SRBD1: variants seen among roughly 807,000 people sequenced by gnomAD.
SRBD1 encodes the protein S1 RNA binding domain 1.
A neutral mutation model predicts 115.3 loss-of-function variants in SRBD1; 88 were observed. The ratio of observed to expected loss-of-function variants is 0.76; its 90% confidence interval spans 0.64 to 0.91. SRBD1 has a LOEUF of 0.91. SRBD1 is among the 40% of genes least tolerant of loss of function. SRBD1 has a pLI of 0.00. For missense variants in SRBD1, 1,385 were observed against 1,177.4 expected (o/e 1.18, Z -2.58); for synonymous variants, 509 against 407.7 (o/e 1.25, Z -2.99).
At chr2:45,600,595 T>C (rs1674061740) in intron 3 of SRBD1, among the ~76,000 whole-genome samples, 1 of 152,180 alleles carries the variant, frequency 6.6e-6, no homozygotes, top group Admixed American at 6.5e-5. Flanking sequence ...GGCATTTTTC[T>C]TTAACAAGAG....
intron 4 of SRBD1, among the ~76,000 whole-genome samples, chr2:45,591,964 T>G (rs1673739629): frequency 6.6e-6 from 1 of 152,124 alleles, no homozygotes; most frequent in South Asian, 2.1e-4. Flanking sequence ...GAATTGTATC[T>G]CCCAGAATTC....
intron 18 of SRBD1, among the ~76,000 whole-genome samples, chr2:45,414,655 CAT>C (rs1667724540): frequency 1.3e-5 from 2 of 149,688 alleles, no homozygotes; most frequent in Non-Finnish European, 3.0e-5. Flanking sequence ...ATAGTATGCA[CAT>C]ACACACATAG....
At chr2:45,398,087 G>C (rs1012558736) in intron 19 of SRBD1, among the ~76,000 whole-genome samples, 1 of 152,076 alleles carries the variant, frequency 6.6e-6, no homozygotes, top group Non-Finnish European at 1.5e-5. Flanking sequence ...TATTTAAATG[G>C]CATTTCTTAG....
At position 45,413,107 on chromosome 2, in the gene SRBD1, G is replaced by A. The variant is rs372960357; in HGVS notation, c.2513+7C>T. Reference sequence around the variant, plus strand: ...ATGGAGAATTCCCACATGGGCCTCAGACTTACCTCATTGCTATGTCATATG... The same window carrying A: ...ATGGAGAATTCCCACATGGGCCTCAAACTTACCTCATTGCTATGTCATATG... On this transcript the variant is annotated splice_region_variant and intron_variant, in intron 19 of 20. Coordinates refer to ENST00000263736, the MANE Select transcript of SRBD1 (RefSeq NM_018079.5). 9.3e-6 allele frequency: 15 copies of A among 1,612,194 alleles called. No individual in the cohort carries two copies. The African/African-American group carries it at 1.2e-4, about 13-fold the overall frequency.
Position 45,599,439 on chromosome 2 carries a change from C to G in SRBD1, c.648+10G>C, listed in dbSNP as rs1273762108. 2 of 1,603,384 alleles carry G rather than the reference C, an allele frequency of 1.2e-6. No homozygotes were observed. The highest frequency in any genetic ancestry group is 1.3e-5 in the African/African-American group (1 of 74,570). ...AAACAACTAAAGTGACAGAAAAAGG[C>G]TGCACATACCTGTACCATGTCCCAA... On this transcript the variant is annotated intron_variant, in intron 4 of 20. Transcript: ENST00000263736.
At chr2:45,598,715 C>A (rs1673985576) in intron 4 of SRBD1, among the ~76,000 whole-genome samples, 1 of 152,074 alleles carries the variant, frequency 6.6e-6, no homozygotes, top group African/African-American at 2.4e-5. Flanking sequence ...AATCAGGATC[C>A]AGCAGAGGCC....
intron 14 of SRBD1, among the ~76,000 whole-genome samples, chr2:45,525,996 C>T (rs887644523): frequency 6.6e-6 from 1 of 151,956 alleles, no homozygotes; most frequent in African/African-American, 2.4e-5. Context: ...TAAATCAGAA[C>T]CCTCATACAC....
chr2:45,443,234 T>C (rs1668723717), intron 16 of SRBD1, among the ~76,000 whole-genome samples: 1 of 151,874 alleles, frequency 6.6e-6, no homozygotes, highest in African/African-American at 2.4e-5. Context: ...AAGAGGGAGA[T>C]GATGGCTGCC....
intron 15 of SRBD1, among the ~76,000 whole-genome samples, chr2:45,479,110 C>A (rs183309790): frequency 3.3e-5 from 5 of 152,270 alleles, no homozygotes; most frequent in South Asian, 2.1e-4. Context: ...CAAACTTAAT[C>A]AATAAATGAT....
chr2:45,545,311 A>AAAAAAC (rs1558468100), intron 14 of SRBD1, among the ~76,000 whole-genome samples: 6 of 143,710 alleles, frequency 4.2e-5, no homozygotes, highest in African/African-American at 1.6e-4. Flanking sequence ...AAAAAAAAAA[A>AAAAAAC]AAAACAGATG....
At chr2:45,534,398 C>T (rs932596990) in intron 14 of SRBD1, among the ~76,000 whole-genome samples, 1 of 151,624 alleles carries the variant, frequency 6.6e-6, no homozygotes. Flanking sequence ...TAATAGTCAC[C>T]GAAATGGAGA....
intron 3 of SRBD1, among the ~76,000 whole-genome samples, chr2:45,601,251 G>A (rs1674082825): frequency 6.6e-6 from 1 of 152,182 alleles, no homozygotes; most frequent in African/African-American, 2.4e-5. Flanking sequence ...CTGAGTCCAT[G>A]CTCATCAAGT....
chr2:45,477,389 T>C (rs1669835421), intron 15 of SRBD1, among the ~76,000 whole-genome samples: 1 of 152,230 alleles, frequency 6.6e-6, no homozygotes, highest in South Asian at 2.1e-4. Flanking sequence ...TCATTCTTCA[T>C]TCTTTACGTA....
At chr2:45,492,340 T>C (rs1670322121) in intron 14 of SRBD1, among the ~76,000 whole-genome samples, 1 of 152,234 alleles carries the variant, frequency 6.6e-6, no homozygotes, top group South Asian at 2.1e-4. Flanking sequence ...TGACTATTCA[T>C]TCTGACCATA....
chr2:45,552,495 T>C (rs1446406554), intron 11 of SRBD1, among the ~76,000 whole-genome samples: 1 of 151,738 alleles, frequency 6.6e-6, no homozygotes, highest in Non-Finnish European at 1.5e-5. Flanking sequence ...GCTACTCAAA[T>C]CAAAAATATA....
intron 16 of SRBD1, among the ~76,000 whole-genome samples, chr2:45,459,275 C>A (rs1431723524): frequency 3.9e-5 from 6 of 152,156 alleles, no homozygotes; most frequent in Admixed American, 3.9e-4. Context: ...ACTTTAAATG[C>A]CTATCTTTCC....
chr2:45,469,761 T>G (rs1021050341), intron 16 of SRBD1, among the ~76,000 whole-genome samples: 2 of 152,190 alleles, frequency 1.3e-5, no homozygotes, highest in Non-Finnish European at 2.9e-5. Context: ...CTTGTTTTCC[T>G]TCAGTTAGGT....
intron 16 of SRBD1, among the ~76,000 whole-genome samples, chr2:45,461,805 G>A (rs904390545): frequency 2.0e-5 from 3 of 152,094 alleles, no homozygotes; most frequent in Admixed American, 6.5e-5. Flanking sequence ...GATAGTTATC[G>A]TCATTCATTG....
chr2:45,436,274 A>C (rs1360212927), intron 16 of SRBD1, among the ~76,000 whole-genome samples: 1 of 152,230 alleles, frequency 6.6e-6, no homozygotes, highest in Non-Finnish European at 1.5e-5. Context: ...GGTGATTAAA[A>C]ACATCTACAA....
Sources: allele counts gnomAD v4.1 joint callset (sites outside exome capture counted in the v4.1 genomes callset), GRCh38; gene constraint gnomAD v4.1.1; transcripts MANE v1.5; gene names NCBI Gene and HGNC (gene_info 2026-07-23, HGNC 2026-07-21).